BPTF: variants seen among roughly 807,000 people sequenced by gnomAD.
The protein encoded by BPTF is bromodomain PHD finger transcription factor.
A neutral mutation model predicts 292.5 loss-of-function variants in BPTF; 18 were observed. The observed-to-expected ratio is 0.06, with a 90% confidence interval of 0.04 to 0.09. The LOEUF is 0.09. BPTF is among the 10% of genes least tolerant of loss of function. BPTF has a pLI of 1.00. For missense variants in BPTF, 2,726 were observed against 3,498.7 expected, an observed-to-expected ratio of 0.78 and a Z score of 5.57; for synonymous variants, 1,225 against 1,251.9, an observed-to-expected ratio of 0.98 and a Z score of 0.45.
chr17:67,889,274 G>A (rs2060948603), intron 4 of BPTF, among the ~76,000 whole-genome samples: 1 of 152,166 alleles, frequency 6.6e-6, no homozygotes, highest in East Asian at 1.9e-4. Flanking sequence ...TACCCCTGTG[G>A]TAATTTTCTC....
chr17:67,918,441 A>G (rs894098853), intron 11 of BPTF, among the ~76,000 whole-genome samples: 5 of 152,202 alleles, frequency 3.3e-5, no homozygotes, highest in African/African-American at 7.2e-5. Context: ...CAACCTTACA[A>G]TGAAACATTC....
chr17:67,911,134 T>C lies in BPTF; in HGVS notation c.3250T>C (p.Leu1084=), dbSNP rs1259673974. The change falls in exon 11 of 28, where the codon TTG becomes CTG. Residue 1084 remains leucine, a synonymous_variant. Transcript: ENST00000306378. ...EEKQRLEKIK[L]EGGIKGIGKT... ...AAAACAGCGACTCGAAAAAATCAAG[T>C]TGGAGGGTGGAATTAAGGGTATAGG... 1 of 1,613,786 alleles carries C rather than the reference T, an allele frequency of 6.2e-7. No homozygotes were observed. The highest frequency in any genetic ancestry group is 8.5e-7 in the Non-Finnish European group (1 of 1,179,960).
Position 67,944,358 on chromosome 17 carries a change from C to T in BPTF, c.6686C>T (p.Ser2229Phe), listed in dbSNP as rs1555673441. Residue 2229 changes from serine to phenylalanine, a missense_variant, in exon 20 of 28, where the codon TCC (serine) becomes TTC (phenylalanine). Physicochemically the swap from Ser to Phe is radical, Grantham distance 155. Coordinates refer to ENST00000306378, the MANE Select transcript of BPTF (RefSeq NM_182641.4). ...TTASTTTTTV[S>F]TTAAGTGEQR... ...GCCAGCACCACCACCACCACTGTTT[C>T]CACGACAGCAGCAGGTAGAGCTGTG... 6.2e-7 allele frequency: 1 copy of T among 1,613,264 alleles called. No individual in the cohort carries two copies. The highest frequency in any genetic ancestry group is 8.5e-7 in the Non-Finnish European group (1 of 1,180,006).
At chr17:67,936,913 C>T (rs1243296390) in intron 18 of BPTF, among the ~76,000 whole-genome samples, 1 of 152,072 alleles carries the variant, frequency 6.6e-6, no homozygotes, top group African/African-American at 2.4e-5. Context: ...GGGATTCAAA[C>T]CAGATTTATC....
chr17:67,967,243 G>C (rs1271175607), intron 26 of BPTF, among the ~76,000 whole-genome samples: 4 of 149,566 alleles, frequency 2.7e-5, no homozygotes, highest in Admixed American at 2.0e-4. Context: ...CCAGGTTCAA[G>C]CAATTCTCCT....
intron 3 of BPTF, among the ~76,000 whole-genome samples, chr17:67,868,672 C>T (rs905858458): frequency 4.6e-5 from 7 of 152,210 alleles, no homozygotes; most frequent in African/African-American, 1.4e-4. Flanking sequence ...CTTCTGCATA[C>T]ATTATCTGCT....
chr17:67,959,623 G>T lies in BPTF; in HGVS notation c.8009G>T (p.Cys2670Phe). The T allele has an allele frequency of 6.3e-7, 1 of 1,585,114 alleles. No homozygotes were observed. Among genetic ancestry groups the T allele is most frequent in the Non-Finnish European group, 8.6e-7 (1 of 1,168,216 alleles). Reference protein sequence around the residue: ...LAQATAVAAPCPPVTPAPPAP... With the variant: ...LAQATAVAAPFPPVTPAPPAP... ...CAGGCCACAGCAGTAGCTGCACCCT[G>T]CCCCCCAGTGACACCAGCTCCTCCA... is the stretch of plus-strand genomic sequence containing the variant. The change falls in exon 24 of 28, where the codon TGC becomes TTC. Residue 2670 changes from cysteine to phenylalanine, a missense_variant. By Grantham distance (205) the Cys-to-Phe change is radical. Around this residue, in one of 22 missense-constraint regions of BPTF, gnomAD observed 148 missense variants for 145.5 expected, o/e 1.02. Coordinates refer to ENST00000306378, the MANE Select transcript of BPTF (RefSeq NM_182641.4).
Position 67,825,685 on chromosome 17 carries a change from T to G in BPTF, c.-40T>G. 3.7e-5 allele frequency: 4 copies of G among 108,560 alleles called. No individual in the cohort carries two copies. The highest frequency in any genetic ancestry group is 4.9e-5 in the Non-Finnish European group (4 of 80,912). The allele number at this position is 108,560 out of a possible 1,614,324, so 6.7% of individuals were successfully genotyped here. A position where few individuals can be genotyped will look rare whatever the true frequency, so the allele number is the denominator to read the frequency against. On this transcript the variant is annotated 5_prime_UTR_variant, in exon 1 of 28. Coordinates refer to ENST00000306378, the MANE Select transcript of BPTF (RefSeq NM_182641.4). ...CCACCGCCCCCCCTGCGCCCGCCCC[T>G]CCCCCTTCGCTTTCCTTCTCCCCCC...
At chr17:67,844,070 CTTTTTTT>C (rs35407119) in intron 1 of BPTF, among the ~76,000 whole-genome samples, 5 of 94,352 alleles carry the variant, frequency 5.3e-5, no homozygotes, top group East Asian at 4.3e-4. Flanking sequence ...CGGCCCCCGC[CTTTTTTT>C]TTTTTTTTTT....
rs782649280 is a variant in BPTF, at chr17:67,946,117, A to G, written c.7409A>G (p.Gln2470Arg). Reference sequence around the variant, plus strand: ...GGTGTGCCCCAGCAAATCAAACTCCAGTTACCTATCCAAATTCAGCAAAGC... The same window carrying G: ...GGTGTGCCCCAGCAAATCAAACTCCGGTTACCTATCCAAATTCAGCAAAGC... ...QSGVPQQIKL[Q>R]LPIQIQQSSA... The change falls in exon 21 of 28, where the codon CAG (glutamine) becomes CGG (arginine). Residue 2470 changes from glutamine (Q) to arginine (R), a missense_variant. Physicochemically the swap from Gln to Arg is conservative, Grantham distance 43. This residue lies in a region of BPTF where 570 missense variants were observed against 633.5 expected (regional missense o/e 0.90). Coordinates refer to ENST00000306378, the MANE Select transcript of BPTF (RefSeq NM_182641.4). The G allele has an allele frequency of 6.2e-7, 1 of 1,614,164 alleles. No individual in the cohort carries two copies. The highest frequency in any genetic ancestry group is 8.5e-7 in the Non-Finnish European group (1 of 1,180,030).
rs1555685769 is a variant in BPTF, at chr17:67,964,418, G to T, written c.8454+14G>T. The T allele has an allele frequency of 4.4e-6, 7 of 1,584,390 alleles. No homozygotes were observed. Among genetic ancestry groups the T allele is most frequent in the African/African-American group, 1.3e-5 (1 of 74,168 alleles). ...CGTTCCTTACAGGTGAGACCCCTCT[G>T]TGTGCAGCATTTCAAAATGAAATCA... is the stretch of plus-strand genomic sequence containing the variant. On this transcript the variant is annotated intron_variant, in intron 25 of 27. Transcript: ENST00000306378.
chr17:67,834,837 CAAAG>C (rs1263318054), intron 1 of BPTF, among the ~76,000 whole-genome samples: 2 of 152,084 alleles, frequency 1.3e-5, no homozygotes, highest in Admixed American at 6.5e-5. Context: ...AATGATGAGT[CAAAG>C]AAAGCCTGTG....
At position 67,912,001 on chromosome 17, in the gene BPTF, A is replaced by G. The variant is rs1394588970; in HGVS notation, c.4117A>G (p.Asn1373Asp). ...QQKKLEERPV[N>D]KCSDQIKLKN... ...GAAGAAATTAGAGGAGAGACCAGTT[A>G]ATAAATGTAGTGATCAAATAAAGCT... Residue 1373 changes from asparagine (N) to aspartate (D), a missense_variant, in exon 11 of 28, where the codon AAT (asparagine) becomes GAT (aspartate). By Grantham distance (23) the Asn-to-Asp change is conservative. Around this residue, in one of 22 missense-constraint regions of BPTF, gnomAD observed 713 missense variants for 714.9 expected, o/e 1.00. Transcript: ENST00000306378. The G allele has an allele frequency of 6.2e-7, 1 of 1,613,996 alleles. No individual in the cohort carries two copies. Among genetic ancestry groups the G allele is most frequent in the Non-Finnish European group, 8.5e-7 (1 of 1,179,932 alleles).
Position 67,945,630 on chromosome 17 carries a change from C to T in BPTF, c.6922C>T (p.His2308Tyr). ...TCAGACCCAAACAACTGTTTCATCC[C>T]ATGTCCCTTCTGAAGCACAACCCAC... The part of the protein sequence containing the change: ...EVQTQTTVSS[H>Y]VPSEAQPTHA... The change falls in exon 21 of 28, where the codon CAT (histidine) becomes TAT (tyrosine). Residue 2308 changes from histidine to tyrosine, a missense_variant. His to Tyr is a moderately conservative substitution (Grantham distance 83, BLOSUM62 2). Transcript: ENST00000306378. 1.9e-6 allele frequency: 3 copies of T among 1,613,926 alleles called. No homozygotes were observed. The highest frequency in any genetic ancestry group is 1.7e-6 in the Non-Finnish European group (2 of 1,179,954).
rs190205738 is a variant in BPTF at position 67,856,938 on chromosome 17, C to T, written c.1436+2176C>T. Among the ~76,000 whole-genome samples the T allele has an allele frequency of 2.1e-4, 32 of 152,194 alleles. No homozygotes were observed. The East Asian group carries it at 5.8e-3, about 28-fold the overall frequency. On this transcript the variant is annotated intron_variant, in intron 2 of 27. Coordinates refer to ENST00000306378, the MANE Select transcript of BPTF (RefSeq NM_182641.4). ...AAGGGGAGAATGGTGGTTTAGGAAT[C>T]TGCTCCAGCCAGTTCCCTATTCTAG... is the stretch of plus-strand genomic sequence containing the variant.
At chr17:67,835,697 G>A (rs1439208309) in intron 1 of BPTF, among the ~76,000 whole-genome samples, 2 of 146,146 alleles carry the variant, frequency 1.4e-5, no homozygotes, top group African/African-American at 2.6e-5. Context: ...ACGGAGTCTC[G>A]CTCTGTCGCC....
At position 67,959,556 on chromosome 17, in the gene BPTF, G is replaced by C. The variant is rs1438357570; in HGVS notation, c.7942G>C (p.Asp2648His). The C allele has an allele frequency of 6.6e-7, 1 of 1,523,624 alleles. No homozygotes were observed. The highest frequency in any genetic ancestry group is 8.8e-7 in the Non-Finnish European group (1 of 1,140,904). The allele number at this position is 1,523,624 out of a possible 1,614,324, so 94.4% of individuals were successfully genotyped here. A position where few individuals can be genotyped will look rare whatever the true frequency, so the allele number is the denominator to read the frequency against. Reference sequence around the variant, plus strand: ...TTGATAACAGGAAGAGCTGAAGAGAGACCTGAAAATTAAGAAAGAAAAAGA... The same window carrying C: ...TTGATAACAGGAAGAGCTGAAGAGACACCTGAAAATTAAGAAAGAAAAAGA... ...QIEVQEELKR[D>H]LKIKKEKDLM... Residue 2648 changes from aspartate to histidine, a missense_variant, in exon 24 of 28, where the codon GAC (aspartate) becomes CAC (histidine). By Grantham distance (81) the Asp-to-His change is moderately conservative (BLOSUM62 -1). Coordinates refer to ENST00000306378, the MANE Select transcript of BPTF (RefSeq NM_182641.4).
At chr17:67,830,659 G>C (rs1256169834) in intron 1 of BPTF, among the ~76,000 whole-genome samples, 1 of 152,086 alleles carries the variant, frequency 6.6e-6, no homozygotes, top group Admixed American at 6.6e-5. Context: ...GAGCGGGAGG[G>C]AGCAGCAGGC....
At chr17:67,943,937 G>A (rs941050470) in intron 19 of BPTF, among the ~76,000 whole-genome samples, 1 of 152,088 alleles carries the variant, frequency 6.6e-6, no homozygotes, top group Non-Finnish European at 1.5e-5. Flanking sequence ...GACCATTGGG[G>A]GAGCTTGAAC....
Sources: gnomAD v4.1 joint callset for allele counts (sites outside exome capture counted in the v4.1 genomes callset) on GRCh38, gnomAD v4.1.1 for gene constraint, gnomAD v4.1.1 regional missense constraint, MANE v1.5 for transcripts, NCBI Gene and HGNC (gene_info 2026-07-23, HGNC 2026-07-21) for gene names.